Variants in FAT1 observed in about 807,000 individuals in gnomAD.
FAT1 encodes the protein protocadherin Fat 1.
In FAT1, 171 loss-of-function variants were observed where a neutral mutation model predicts 329.8. The ratio of observed to expected loss-of-function variants is 0.52; its 90% CI spans 0.46 to 0.59. FAT1 has a LOEUF of 0.59. Ranked by LOEUF, FAT1 falls within the 20% of genes least tolerant of loss-of-function variation. FAT1 has a pLI of 0.00. For missense variants in FAT1, 5,672 were observed against 5,774.4 expected (o/e 0.98, Z 0.57); for synonymous variants, 2,233 against 2,228.6 (o/e 1.00, Z -0.06).
intron 3 of FAT1, among the ~76,000 whole-genome samples, chr4:186,645,373 ATATATATATATATATATAT>A (rs1741307643): frequency 2.1e-4 from 1 of 4,730 alleles, no homozygotes; most frequent in African/African-American, 1.3e-3. Context: ...TTACATATAT[ATATATATATATATATATAT>A]ATATATATAT....
chr4:186,594,501 C>T (rs1001338174), intron 26 of FAT1, among the ~76,000 whole-genome samples: 8 of 151,294 alleles, frequency 5.3e-5, no homozygotes, highest in African/African-American at 1.9e-4. Flanking sequence ...ACAGGAACTT[C>T]TTAGAATTAA....
At chr4:186,634,574 C>T (rs1404405195) in intron 6 of FAT1, among the ~76,000 whole-genome samples, 10 of 151,546 alleles carry the variant, frequency 6.6e-5, no homozygotes, top group Admixed American at 1.3e-4. Flanking sequence ...CGTGGCAACA[C>T]GCTGGCGAGT....
At chr4:186,672,435 C>G (rs1560983027) in intron 2 of FAT1, among the ~76,000 whole-genome samples, 1 of 152,112 alleles carries the variant, frequency 6.6e-6, no homozygotes, top group Non-Finnish European at 1.5e-5. Flanking sequence ...TCCAGTTTAA[C>G]TGAAGCCATG....
rs368427985 is a variant in FAT1 at position 186,597,220 on chromosome 4, C to T, written c.12369-49G>A. On this transcript the variant is annotated intron_variant, in intron 24 of 26. Coordinates refer to ENST00000441802, the MANE Select transcript of FAT1 (RefSeq NM_005245.4). ...GAGAGACCTCTGTAGCATACGCCAG[C>T]GTATGTCAGGCTCAATCCTTAGAGA... The T allele has an allele frequency of 1.4e-4, 206 of 1,500,852 alleles. 1 individual carries two copies. In the African/African-American group the frequency reaches 1.8e-3, roughly 13 times the overall value. 93.0% of individuals were successfully genotyped at this position (1,500,852 alleles called of 1,614,324 possible).
chr4:186,640,886 A>G (rs533032455), intron 3 of FAT1, among the ~76,000 whole-genome samples: 211 of 152,318 alleles, frequency 1.4e-3, no homozygotes, highest in African/African-American at 4.9e-3. Context: ...GATGATCTGC[A>G]CCTCCGACCT....
chr4:186,684,930 T>C (rs1436940131), intron 2 of FAT1, among the ~76,000 whole-genome samples: 1 of 152,126 alleles, frequency 6.6e-6, no homozygotes, highest in Non-Finnish European at 1.5e-5. Flanking sequence ...AACCAAGTCA[T>C]GAATTCAGGA....
chr4:186,601,632 G>A (rs1045965173), intron 20 of FAT1: 14 of 435,252 alleles, frequency 3.2e-5, no homozygotes, highest in South Asian at 2.3e-4. Context: ...TAAATTTGAC[G>A]ACTGCATCAC....
chr4:186,671,338 T>G (rs983936633), intron 2 of FAT1, among the ~76,000 whole-genome samples: 5 of 152,176 alleles, frequency 3.3e-5, no homozygotes, highest in African/African-American at 1.2e-4. Flanking sequence ...TTGCCTATTA[T>G]ATACAAAGAA....
chr4:186,625,342 A>G (rs1340274269), intron 9 of FAT1, among the ~76,000 whole-genome samples: 1 of 152,210 alleles, frequency 6.6e-6, no homozygotes, highest in African/African-American at 2.4e-5. Flanking sequence ...ACATTTTAAC[A>G]CTGCAATCAC....
chr4:186,608,384 T>G (rs76824935), intron 16 of FAT1, among the ~76,000 whole-genome samples: 3,806 of 152,162 alleles, frequency 0.025, 148 homozygotes, highest in African/African-American at 0.082. Flanking sequence ...TTGTATTTTT[T>G]TTGTTGTTGT....
chr4:186,597,126 G>A lies in FAT1; in HGVS notation c.12414C>T (p.His4138=), dbSNP rs1356198566. 8 of 1,613,488 alleles carry A rather than the reference G, an allele frequency of 5.0e-6. No individual in the cohort carries two copies. Among genetic ancestry groups the A allele is most frequent in the Admixed American group, 3.3e-5 (2 of 59,982 alleles). ...CGTGCGTGTTCTCACAGAGGGCCCC[G>A]TGCAGGCAAGGGTTTCCAGAGCACT... ...IDECSGNPCL[H]GALCENTHGS... Residue 4138 remains histidine, a synonymous_variant, in exon 25 of 27, where the codon CAC becomes CAT. Transcript: ENST00000441802.
rs766336930 is a variant in FAT1, at chr4:186,596,591, G to C, written c.12949C>G (p.Pro4317Ala). 1 of 1,613,192 alleles carries C rather than the reference G, an allele frequency of 6.2e-7. No individual in the cohort carries two copies. Among genetic ancestry groups the C allele is most frequent in the East Asian group, 2.2e-5 (1 of 44,856 alleles). ...TTCTGGATGGAGTCGCTGTCAGAAG[G>C]GGAGTTTGAAGGGGGTGGGGGAGGC... ...NLPPPPPSNS[P>A]SDSDSIQKPS... Residue 4317 changes from proline to alanine, a missense_variant, in exon 25 of 27, where the codon CCT becomes GCT. This residue lies in a region of FAT1 where 1,706 missense variants were observed against 1,859.1 expected (regional missense o/e 0.92). Coordinates refer to ENST00000441802, the MANE Select transcript of FAT1 (RefSeq NM_005245.4). The surrounding 1 kb of genome is among the most constrained non-coding windows in gnomAD (Gnocchi z 4.7).
chr4:186,590,339 T>A, intron 26 of FAT1: 1 of 1,278,138 alleles, frequency 7.8e-7, no homozygotes, highest in Non-Finnish European at 1.0e-6. Context: ...TTAGTGAGTA[T>A]CAATGAATAA....
chr4:186,710,959 G>C (rs1245902342), intron 1 of FAT1, among the ~76,000 whole-genome samples: 1 of 152,312 alleles, frequency 6.6e-6, no homozygotes, highest in African/African-American at 2.4e-5. Flanking sequence ...AGGGAAGCAG[G>C]ACAGTTATTT....
In FAT1 at chr4:186,613,176, G is replaced by A. The variant is rs1287326457; in HGVS notation, c.9396C>T (p.Ile3132=). ...APEFSADPYA[I]TVFENTEPGT... is the part of the protein sequence containing the mutation. ...CCGGCTCTGTGTTTTCAAACACGGTGATGGCATAAGGATCGGCAGAGAATT... is the reference window on the plus strand; with the variant it reads ...CCGGCTCTGTGTTTTCAAACACGGTAATGGCATAAGGATCGGCAGAGAATT... The change falls in exon 13 of 27, where the codon ATC becomes ATT. Residue 3132 remains isoleucine (I), a synonymous_variant. Coordinates refer to ENST00000441802, the MANE Select transcript of FAT1 (RefSeq NM_005245.4). 5 of 1,613,762 alleles carry A rather than the reference G, an allele frequency of 3.1e-6. No homozygotes were observed. The South Asian group carries it at 4.4e-5, about 14-fold the overall frequency.
chr4:186,667,202 G>A (rs187763858), intron 2 of FAT1, among the ~76,000 whole-genome samples: 69 of 152,248 alleles, frequency 4.5e-4, no homozygotes, highest in East Asian at 3.5e-3. Flanking sequence ...TTTCTAGTTC[G>A]GGCCGTAAGC....
chr4:186,629,172 C>T (rs900817926), intron 7 of FAT1, among the ~76,000 whole-genome samples: 1 of 152,172 alleles, frequency 6.6e-6, no homozygotes, highest in Non-Finnish European at 1.5e-5. Context: ...TACCAACCCA[C>T]TGAGGTAAGA....
At position 186,706,863 on chromosome 4, in the gene FAT1, A is replaced by T. The variant is rs1313564123; in HGVS notation, c.2965T>A (p.Leu989Met). The change falls in exon 2 of 27, where the codon TTG (leucine) becomes ATG (methionine). Residue 989 changes from leucine to methionine, a missense_variant. This residue lies in a region of FAT1 where 3,966 missense variants were observed against 3,915.2 expected (regional missense o/e 1.01). Coordinates refer to ENST00000441802, the MANE Select transcript of FAT1 (RefSeq NM_005245.4). ...TACACTTGCTTCTTCTCAAAGTCCAACTGCTGGACGATCCTAACTGCTCCA... is the reference window on the plus strand; with the variant it reads ...TACACTTGCTTCTTCTCAAAGTCCATCTGCTGGACGATCCTAACTGCTCCA... ...LSGAVRIVQQ[L>M]DFEKKQVYNL... 5 of 1,613,670 alleles carry T rather than the reference A, an allele frequency of 3.1e-6. No individual in the cohort carries two copies. In the Admixed American group the frequency reaches 5.0e-5, roughly 16 times the overall value.
upstream of FAT1, among the ~76,000 whole-genome samples, chr4:186,724,183 TA>T (rs59026469): frequency 0.065 from 4,659 of 71,194 alleles, 99 homozygotes; most frequent in Middle Eastern, 0.096. This position sits in a 1 kb window ranked among gnomAD's most constrained non-coding sequence, Gnocchi z 5.3. Context: ...TTAGCTTAGC[TA>T]AAAAAAAAAA....
Sources: allele counts gnomAD v4.1 joint callset (sites outside exome capture counted in the v4.1 genomes callset), GRCh38; gene constraint gnomAD v4.1.1; regional missense constraint gnomAD v4.1.1; non-coding constraint Gnocchi (gnomAD v3.1); transcripts MANE v1.5; gene names NCBI Gene and HGNC (gene_info 2026-07-23, HGNC 2026-07-21).